The following CWC27 variants were observed in gnomAD, a reference collection of about 807,000 sequenced individuals.
CWC27 encodes CWC27 spliceosome associated cyclophilin, also known as spliceosome-associated protein CWC27 homolog.
CWC27 carries 47 observed loss-of-function variants against 63.6 expected under a neutral mutation model. The ratio of observed to expected loss-of-function variants is 0.74; its 90% CI spans 0.58 to 0.94. The LOEUF is 0.94. Among genes scored for constraint, CWC27 ranks in the 40% least tolerant of loss-of-function variants. CWC27 has a pLI of 0.00. For synonymous variants in CWC27, 175 were observed against 179.8 expected, an observed-to-expected ratio of 0.97 and a Z score of 0.22; for missense variants, 495 against 554.3, an observed-to-expected ratio of 0.89 and a Z score of 1.07.
intron 2 of CWC27, among the ~76,000 whole-genome samples, chr5:64,778,396 T>TG (rs1415220431): frequency 6.6e-6 from 1 of 152,132 alleles, no homozygotes; most frequent in Non-Finnish European, 1.5e-5. Context: ...ATTTTGAAAA[T>TG]GCAAATCTGA....
chr5:64,911,909 C>T (rs1271101978), intron 11 of CWC27, among the ~76,000 whole-genome samples: 1 of 151,810 alleles, frequency 6.6e-6, no homozygotes, highest in Non-Finnish European at 1.5e-5. Context: ...CCCATCTCTA[C>T]TAAAAATACA....
intron 13 of CWC27, among the ~76,000 whole-genome samples, chr5:65,016,506 T>C (rs77327227): frequency 1.2e-3 from 179 of 152,128 alleles, no homozygotes; most frequent in African/African-American, 4.2e-3. Context: ...AGTATAAAAA[T>C]GTGAATGTGA....
At chr5:64,973,022 T>G (rs138830017) in intron 12 of CWC27, among the ~76,000 whole-genome samples, 1 of 152,232 alleles carries the variant, frequency 6.6e-6, no homozygotes, top group African/African-American at 2.4e-5. Flanking sequence ...CAGCTGAACT[T>G]CAAAGGTTGT....
In CWC27 at chr5:64,783,878, G is replaced by T; in HGVS notation, c.295G>T (p.Val99Phe). Reference protein sequence around the residue: ...SRLRFNRRGLVAMANAGSHDN... With the variant: ...SRLRFNRRGLFAMANAGSHDN... ...GTTGCGTTTTAATCGGAGAGGACTGGTTGCCATGGCAAATGCTGGTTCTCA... is the reference window on the plus strand; with the variant it reads ...GTTGCGTTTTAATCGGAGAGGACTGTTTGCCATGGCAAATGCTGGTTCTCA... The change falls in exon 4 of 14, where the codon GTT (valine) becomes TTT (phenylalanine). Residue 99 changes from valine (V) to phenylalanine (F), a missense_variant. This residue lies in a region of CWC27 where 463 missense variants were observed against 498.1 expected (regional missense o/e 0.93). Coordinates refer to ENST00000381070, the MANE Select transcript of CWC27 (RefSeq NM_005869.4). 1.2e-6 allele frequency: 2 copies of T among 1,602,028 alleles called. No individual in the cohort carries two copies. The highest frequency in any genetic ancestry group is 1.7e-6 in the Non-Finnish European group (2 of 1,175,402).
intron 11 of CWC27, among the ~76,000 whole-genome samples, chr5:64,951,305 G>A (rs1433620): frequency 0.069 from 10,482 of 151,800 alleles, 913 homozygotes; most frequent in African/African-American, 0.2. Context: ...GTTTTAATAT[G>A]CATTTCCCTA....
intron 13 of CWC27, among the ~76,000 whole-genome samples, chr5:65,014,941 G>T (rs1750025268): frequency 6.6e-6 from 1 of 152,214 alleles, no homozygotes; most frequent in Non-Finnish European, 1.5e-5. Flanking sequence ...AGCTGAAGTA[G>T]TTTGTAAGCT....
intron 11 of CWC27, among the ~76,000 whole-genome samples, chr5:64,955,998 G>A (rs1278368052): frequency 1.3e-5 from 2 of 152,050 alleles, no homozygotes; most frequent in Admixed American, 6.6e-5. Flanking sequence ...ACTGATAAGA[G>A]GTGTGTGGGC....
chr5:64,948,706 T>C (rs1450563690), intron 11 of CWC27, among the ~76,000 whole-genome samples: 1 of 152,004 alleles, frequency 6.6e-6, no homozygotes. Flanking sequence ...GTATTCATAG[T>C]TAACAGGCAG....
At chr5:64,884,841 A>T (rs1010560019) in intron 10 of CWC27, among the ~76,000 whole-genome samples, 1 of 152,222 alleles carries the variant, frequency 6.6e-6, no homozygotes, top group African/African-American at 2.4e-5. Flanking sequence ...TTTGTCTTTA[A>T]CACATGATTA....
chr5:64,927,366 C>T (rs1188546428), intron 11 of CWC27, among the ~76,000 whole-genome samples: 6 of 152,034 alleles, frequency 3.9e-5, no homozygotes, highest in African/African-American at 1.5e-4. Flanking sequence ...CTGTGCCAGG[C>T]ATTTTCCATG....
chr5:64,950,355 A>G (rs1748680782), intron 11 of CWC27, among the ~76,000 whole-genome samples: 1 of 45,466 alleles, frequency 2.2e-5, no homozygotes, highest in Non-Finnish European at 5.0e-5. Context: ...ACTAAACTTA[A>G]CATAAATTTT....
intron 13 of CWC27, among the ~76,000 whole-genome samples, chr5:64,987,548 A>C (rs1477235905): frequency 6.6e-6 from 1 of 152,168 alleles, no homozygotes; most frequent in Non-Finnish European, 1.5e-5. Context: ...TTTATTCATG[A>C]TATTTCAGGT....
intron 7 of CWC27, among the ~76,000 whole-genome samples, chr5:64,799,129 A>G (rs1406424538): frequency 6.6e-6 from 1 of 152,226 alleles, no homozygotes; most frequent in Non-Finnish European, 1.5e-5. Context: ...TAAACCCTAG[A>G]TCCTCTACCA....
chr5:64,842,125 G>A (rs933731833), intron 10 of CWC27, among the ~76,000 whole-genome samples: 3 of 152,080 alleles, frequency 2.0e-5, no homozygotes, highest in Non-Finnish European at 2.9e-5. Flanking sequence ...TTTATGCTAC[G>A]ATGACAGATT....
At chr5:64,816,075 A>G (rs1201089638) in intron 10 of CWC27, among the ~76,000 whole-genome samples, 1 of 152,102 alleles carries the variant, frequency 6.6e-6, no homozygotes, top group African/African-American at 2.4e-5. Context: ...CTTTTCTTTT[A>G]TTCATTTGTT....
At chr5:64,799,778 T>G (rs1457461033) in intron 7 of CWC27, among the ~76,000 whole-genome samples, 1 of 151,984 alleles carries the variant, frequency 6.6e-6, no homozygotes, top group Non-Finnish European at 1.5e-5. Flanking sequence ...TATATCTTTT[T>G]TTGTTGTTGT....
At chr5:64,822,599 G>C (rs1745234541) in intron 10 of CWC27, among the ~76,000 whole-genome samples, 1 of 152,142 alleles carries the variant, frequency 6.6e-6, no homozygotes, top group Non-Finnish European at 1.5e-5. Flanking sequence ...TGGAAATAAA[G>C]CTGGAAAAGA....
intron 11 of CWC27, among the ~76,000 whole-genome samples, chr5:64,895,291 A>G (rs193064062): frequency 1.9e-4 from 28 of 151,342 alleles, no homozygotes; most frequent in Non-Finnish European, 3.4e-4. Flanking sequence ...ACTGCTTTAA[A>G]TCTGTAATAA....
intron 3 of CWC27, among the ~76,000 whole-genome samples, chr5:64,782,535 C>G (rs73099529): frequency 0.012 from 1,866 of 150,890 alleles, 35 homozygotes; most frequent in African/African-American, 0.042. Flanking sequence ...TCTTAACTGC[C>G]AACATAGATC....
Sources: allele counts gnomAD v4.1 joint callset (sites outside exome capture counted in the v4.1 genomes callset), GRCh38; gene constraint gnomAD v4.1.1; regional missense constraint gnomAD v4.1.1; transcripts MANE v1.5; gene names NCBI Gene and HGNC (gene_info 2026-07-23, HGNC 2026-07-21).